Variants in DYNC2LI1 observed in about 807,000 individuals in gnomAD.
DYNC2LI1 encodes cytoplasmic dynein 2 light intermediate chain 1.
In DYNC2LI1, 45 loss-of-function variants were observed where a neutral mutation model predicts 51.9. The ratio of observed to expected loss-of-function variants is 0.87; its 90% CI spans 0.68 to 1.11. The LOEUF is 1.11. DYNC2LI1 is among the 50% of genes most tolerant of loss of function. The pLI is 0.00. For missense variants in DYNC2LI1, 490 were observed against 417.4 expected (o/e 1.17, Z -1.51); for synonymous variants, 130 against 137.8 (o/e 0.94, Z 0.40).
At chr2:43,815,167 G>A in the DYNC2LI1 span, among the ~76,000 whole-genome samples, 1 of 152,178 alleles carries the variant, frequency 6.6e-6, no homozygotes. Flanking sequence ...GAAAAAGGAA[G>A]GAGAGACCGA....
the DYNC2LI1 span, among the ~76,000 whole-genome samples, chr2:43,823,379 A>G: frequency 5.3e-5 from 8 of 149,862 alleles, no homozygotes; most frequent in Non-Finnish European, 8.8e-5. Context: ...CCTCATGTCA[A>G]GCTCTAGAGC....
downstream of DYNC2LI1, among the ~76,000 whole-genome samples, chr2:43,811,886 G>A (rs1319871895): frequency 3.3e-5 from 5 of 152,214 alleles, 1 homozygote; most frequent in South Asian, 4.1e-4. Context: ...GAGCCACCGC[G>A]CCTGGCCAGA....
At chr2:43,804,800 A>G in intron 11 of DYNC2LI1, 61 bp downstream of exon 11, 1 of 1,033,248 alleles carries the variant, frequency 9.7e-7, no homozygotes, top group African/African-American at 1.6e-5. Flanking sequence ...GTTATAGGAA[A>G]TGTGTCAAAG....
Position 43,805,264 on chromosome 2 carries a change from T to G in DYNC2LI1, c.993+18T>G. On this transcript the variant is annotated intron_variant, in intron 12 of 12. Coordinates refer to ENST00000260605, the MANE Select transcript of DYNC2LI1 (RefSeq NM_016008.4). ...AGGATCTGGTATTATCCTAAACATT[T>G]ACTTAATTTCATCTGAAATTTTAAC... The G allele has an allele frequency of 6.6e-7, 1 of 1,521,314 alleles. No homozygotes were observed. The highest frequency in any genetic ancestry group is 9.1e-7 in the Non-Finnish European group (1 of 1,104,452). The allele number at this position is 1,521,314 out of a possible 1,614,324, so 94.2% of individuals were successfully genotyped here.
At chr2:43,792,494 T>G (rs1334030259) in intron 5 of DYNC2LI1, among the ~76,000 whole-genome samples, 1 of 152,226 alleles carries the variant, frequency 6.6e-6, no homozygotes, top group African/African-American at 2.4e-5. Flanking sequence ...CTCCTAGATT[T>G]ACAAATGTTT....
intron 1 of DYNC2LI1, chr2:43,775,854 A>ATTTTTTTTTTTTTTTTTTTTTTT (rs57868887): frequency 2.0e-5 from 1 of 49,248 alleles, no homozygotes. Flanking sequence ...CACCTGGCCA[A>ATTTTTTTTTTTTTTTTTTTTTTT]TTTTTTTTTT....
intron 4 of DYNC2LI1, 132 bp from the exon 5 acceptor site, chr2:43,789,501 A>G: frequency 1.5e-6 from 1 of 682,262 alleles, no homozygotes; most frequent in South Asian, 2.2e-5. Flanking sequence ...GGGATAAAGG[A>G]AAAAATTTTG....
intron 12 of DYNC2LI1, among the ~76,000 whole-genome samples, chr2:43,807,383 G>A (rs1666300994): frequency 6.6e-6 from 1 of 152,040 alleles, no homozygotes; most frequent in South Asian, 2.1e-4. Context: ...GAGCATTCCC[G>A]ATTTTAAGGG....
At chr2:43,790,555 C>A (rs1475110380) in intron 5 of DYNC2LI1, among the ~76,000 whole-genome samples, 5 of 146,092 alleles carry the variant, frequency 3.4e-5, no homozygotes, top group African/African-American at 1.3e-4. Flanking sequence ...TTTTTTTTTT[C>A]CTTTTAGTGA....
downstream of DYNC2LI1, chr2:43,814,625 G>T (rs752622582): frequency 3.1e-5 from 39 of 1,276,034 alleles, no homozygotes; most frequent in East Asian, 8.8e-4. Context: ...AATTCAGTAG[G>T]CTCTGGCAAT....
chr2:43,815,935 A>G, the DYNC2LI1 span, among the ~76,000 whole-genome samples: 30 of 150,804 alleles, frequency 2.0e-4, no homozygotes, highest in African/African-American at 6.8e-4. Context: ...AAAGGACCAG[A>G]CTACAAAAAA....
At chr2:43,825,367 G>A in the DYNC2LI1 span, among the ~76,000 whole-genome samples, 9 of 152,124 alleles carry the variant, frequency 5.9e-5, no homozygotes, top group African/African-American at 2.2e-4. Context: ...GCGAGCAGGG[G>A]TGGGTCTTAG....
chr2:43,780,666 T>G lies in DYNC2LI1; in HGVS notation c.127-2854T>G, dbSNP rs1042341633. The stretch of plus-strand genomic sequence containing the variant: ...GCTGAGATATTGGGGAGTTTGCCAG[T>G]CATGGAGCTGAAGTCATAGAGTGGA... On this transcript the variant is annotated intron_variant, in intron 2 of 12. Coordinates refer to ENST00000260605, the MANE Select transcript of DYNC2LI1 (RefSeq NM_016008.4). 2.0e-5 allele frequency among the ~76,000 whole-genome samples: 3 copies of G among 152,110 alleles called. No homozygotes were observed. In the South Asian group the frequency reaches 6.2e-4, roughly 32 times the overall value.
At chr2:43,799,564 T>C (rs1666006771) in intron 8 of DYNC2LI1, among the ~76,000 whole-genome samples, 1 of 152,232 alleles carries the variant, frequency 6.6e-6, no homozygotes, top group Non-Finnish European at 1.5e-5. Context: ...AAGCACATTC[T>C]AATACTACCA....
At chr2:43,798,822 C>A (rs890022599) in intron 8 of DYNC2LI1, among the ~76,000 whole-genome samples, 1 of 152,142 alleles carries the variant, frequency 6.6e-6, no homozygotes, top group Non-Finnish European at 1.5e-5. Flanking sequence ...GTGATCAAAG[C>A]CTCATCTTTC....
chr2:43,787,148 A>G, intron 3 of DYNC2LI1, 33 bp from the exon 4 acceptor site: 2 of 1,561,480 alleles, frequency 1.3e-6, no homozygotes, highest in African/African-American at 1.4e-5. Flanking sequence ...AATACCACCT[A>G]CAATGATAAT....
At chr2:43,824,254 A>G in the DYNC2LI1 span, 1 of 1,614,112 alleles carries the variant, frequency 6.2e-7, no homozygotes, top group Non-Finnish European at 8.5e-7. Context: ...AAACTCCAGG[A>G]GAATCTTTGG....
At chr2:43,780,239 G>T (rs1488338513) in intron 2 of DYNC2LI1, among the ~76,000 whole-genome samples, 1 of 152,196 alleles carries the variant, frequency 6.6e-6, no homozygotes, top group African/African-American at 2.4e-5. Flanking sequence ...AAACTGGAAA[G>T]CTTCAAGATG....
At chr2:43,820,161 C>G in the DYNC2LI1 span, 3 of 1,543,764 alleles carry the variant, frequency 1.9e-6, no homozygotes, top group South Asian at 1.2e-5. Flanking sequence ...AAAAATACTG[C>G]ACTTGCCTCT....
Sources: allele counts gnomAD v4.1 joint callset (sites outside exome capture counted in the v4.1 genomes callset), GRCh38; gene constraint gnomAD v4.1.1; transcripts MANE v1.5; gene names NCBI Gene and HGNC (gene_info 2026-07-23, HGNC 2026-07-21).